ARHGAP24: variants seen among roughly 807,000 people sequenced by gnomAD.
The protein encoded by ARHGAP24 is rho GTPase-activating protein 24.
A neutral mutation model predicts 76.4 loss-of-function variants in ARHGAP24; 50 were observed. That is an observed-to-expected ratio of 0.65 (90% CI 0.52 to 0.83). The LOEUF is 0.83. Ranked by LOEUF, ARHGAP24 falls within the 40% of genes least tolerant of loss-of-function variation. The pLI is 0.00. For missense variants in ARHGAP24, 930 were observed against 914.2 expected (o/e 1.02, Z -0.22); for synonymous variants, 345 against 323.3 (o/e 1.07, Z -0.72).
intron 4 of ARHGAP24, among the ~76,000 whole-genome samples, chr4:85,936,691 A>G (rs1736652696): frequency 6.6e-6 from 1 of 152,226 alleles, no homozygotes; most frequent in African/African-American, 2.4e-5. Flanking sequence ...TAAGGAATAA[A>G]GAAACATATC....
chr4:85,879,547 G>A (rs1733119257), intron 3 of ARHGAP24, among the ~76,000 whole-genome samples: 1 of 151,978 alleles, frequency 6.6e-6, no homozygotes, highest in African/African-American at 2.4e-5. Context: ...AACAGTATTT[G>A]TGCTAAGGAT....
At chr4:85,628,932 A>G (rs1721066080) in intron 2 of ARHGAP24, among the ~76,000 whole-genome samples, 1 of 152,216 alleles carries the variant, frequency 6.6e-6, no homozygotes, top group African/African-American at 2.4e-5. Context: ...TTATTTATCC[A>G]TTCAGCTATT....
chr4:85,512,188 T>C (rs184603477), intron 1 of ARHGAP24, among the ~76,000 whole-genome samples: 1 of 152,334 alleles, frequency 6.6e-6, no homozygotes, highest in East Asian at 1.9e-4. Context: ...CTCCACGAAG[T>C]AACTATGTGA....
intron 2 of ARHGAP24, among the ~76,000 whole-genome samples, chr4:85,716,174 G>A (rs562905980): frequency 6.6e-6 from 1 of 151,992 alleles, no homozygotes; most frequent in Admixed American, 6.6e-5. Flanking sequence ...CAAAGAATAA[G>A]ATCCCTGTGC....
intron 3 of ARHGAP24, among the ~76,000 whole-genome samples, chr4:85,803,376 C>T (rs919143318): frequency 1.3e-4 from 20 of 152,154 alleles, no homozygotes; most frequent in Admixed American, 7.9e-4. Context: ...TAAATTAGAG[C>T]TTAATTCATT....
At chr4:85,953,817 G>A (rs1292203965) in intron 5 of ARHGAP24, among the ~76,000 whole-genome samples, 2 of 152,152 alleles carry the variant, frequency 1.3e-5, no homozygotes, top group African/African-American at 4.8e-5. Context: ...GAAATGAGGA[G>A]AGTGTCCAAT....
At chr4:85,755,030 G>A (rs1437156295) in intron 3 of ARHGAP24, among the ~76,000 whole-genome samples, 3 of 152,146 alleles carry the variant, frequency 2.0e-5, no homozygotes, top group African/African-American at 4.8e-5. Context: ...TATAAGTTCT[G>A]CAAGCTTTCT....
intron 3 of ARHGAP24, among the ~76,000 whole-genome samples, chr4:85,834,735 T>G (rs1730174492): frequency 1.3e-5 from 2 of 152,230 alleles, no homozygotes; most frequent in Admixed American, 1.3e-4. Flanking sequence ...GATGAAGGCC[T>G]CAATCTAGAG....
rs577021228 is a variant in ARHGAP24, at chr4:85,652,582, T to C, written c.181-69303T>C. On this transcript the variant is annotated intron_variant, in intron 2 of 9. Coordinates refer to ENST00000395184, the MANE Select transcript of ARHGAP24 (RefSeq NM_001025616.3). ...ATTTAATAATGAAAATGGAGAAATT[T>C]TAAGCTTTGTATTAAGAAGTGCCTG... Among the ~76,000 whole-genome samples the C allele has an allele frequency of 9.2e-5, 14 of 152,348 alleles. No individual in the cohort carries two copies. The East Asian group carries it at 2.3e-3, about 25-fold the overall frequency.
At chr4:85,926,046 G>GA (rs11440538) in intron 4 of ARHGAP24, among the ~76,000 whole-genome samples, 17,412 of 146,888 alleles carry the variant, frequency 0.12, 1,046 homozygotes, top group South Asian at 0.16. Flanking sequence ...GTGACTTCCT[G>GA]AAAAAAAAAA....
At chr4:85,666,005 C>G (rs957195270) in intron 2 of ARHGAP24, among the ~76,000 whole-genome samples, 1 of 152,150 alleles carries the variant, frequency 6.6e-6, no homozygotes, top group African/African-American at 2.4e-5. Context: ...TGAAGTTTCA[C>G]TTCTTGAGGA....
rs529486706 is a variant in ARHGAP24 at position 85,793,774 on chromosome 4, C to T, written c.268+71802C>T. Among the ~76,000 whole-genome samples the T allele has an allele frequency of 1.1e-4, 16 of 152,318 alleles. No homozygotes were observed. In the South Asian group the frequency reaches 3.3e-3, roughly 32 times the overall value. ...TTTTCCTTCATACTTATCCACTGCT[C>T]ATGGCACACCACATGTTGCCAAAAA... On this transcript the variant is annotated intron_variant, in intron 3 of 9. Transcript: ENST00000395184.
At chr4:85,935,117 T>G (rs1418135147) in intron 4 of ARHGAP24, among the ~76,000 whole-genome samples, 1 of 152,240 alleles carries the variant, frequency 6.6e-6, no homozygotes, top group African/African-American at 2.4e-5. Context: ...TTGTATGTTA[T>G]ATATGTTGTA....
intron 3 of ARHGAP24, among the ~76,000 whole-genome samples, chr4:85,735,767 A>G (rs6839040): frequency 0.14 from 20,738 of 152,068 alleles, 1,875 homozygotes; most frequent in East Asian, 0.36. Context: ...CACTGTAGCC[A>G]GAGTGATATT....
At chr4:85,703,344 T>C (rs1398179758) in intron 2 of ARHGAP24, among the ~76,000 whole-genome samples, 1 of 152,204 alleles carries the variant, frequency 6.6e-6, no homozygotes, top group Non-Finnish European at 1.5e-5. Flanking sequence ...AGATGACAGA[T>C]GGTCCTAGAC....
intron 1 of ARHGAP24, among the ~76,000 whole-genome samples, chr4:85,486,810 C>T (rs1560505021): frequency 1.3e-5 from 2 of 152,044 alleles, no homozygotes; most frequent in Non-Finnish European, 2.9e-5. Context: ...ATGATGAAAG[C>T]ATTGCATGCA....
chr4:85,837,815 A>C (rs1730371241), intron 3 of ARHGAP24, among the ~76,000 whole-genome samples: 1 of 152,194 alleles, frequency 6.6e-6, no homozygotes, highest in Admixed American at 6.5e-5. Flanking sequence ...CTACGTGGGA[A>C]TCAATCTTTG....
chr4:85,964,981 C>A (rs1044156537), intron 5 of ARHGAP24, among the ~76,000 whole-genome samples: 24 of 151,916 alleles, frequency 1.6e-4, no homozygotes, highest in Admixed American at 3.9e-4. Context: ...AGGGAGGAGT[C>A]TCTACACACA....
Position 85,869,004 on chromosome 4 carries a change from ATACATG to A in ARHGAP24, c.269-54639_269-54634del, listed in dbSNP as rs563020195. Among the ~76,000 whole-genome samples the A allele has an allele frequency of 1.3e-3, 198 of 152,044 alleles. 1 individual carries two copies. The highest frequency in any genetic ancestry group is 4.6e-3 in the African/African-American group (191 of 41,472). ...ATCTATCATACTTGTATATCTTTTG[ATACATG>A]TACAACTATGAGAAATGTCCTTGTT... On this transcript the variant is annotated intron_variant, in intron 3 of 9. Transcript: ENST00000395184.
Sources: gnomAD v4.1 joint callset for allele counts (sites outside exome capture counted in the v4.1 genomes callset) on GRCh38, gnomAD v4.1.1 for gene constraint, MANE v1.5 for transcripts, NCBI Gene and HGNC (gene_info 2026-07-23, HGNC 2026-07-21) for gene names.